The following ERO1B variants were observed in gnomAD, a reference collection of about 807,000 sequenced individuals.
ERO1B encodes the protein endoplasmic reticulum oxidoreductase 1 beta, also known as ERO1-like protein beta.
In ERO1B, 49 loss-of-function variants were observed where a neutral mutation model predicts 75.3. The ratio of observed to expected loss-of-function variants is 0.65; its 90% CI spans 0.52 to 0.83. ERO1B has a LOEUF of 0.83. ERO1B is among the 40% of genes least tolerant of loss of function. The pLI is 0.00. For synonymous variants in ERO1B, 191 were observed against 192.9 expected (o/e 0.99, Z 0.08); for missense variants, 512 against 560.1 (o/e 0.91, Z 0.87).
chr1:236,242,939 C>T (rs1664748211), intron 6 of ERO1B, among the ~76,000 whole-genome samples: 1 of 152,146 alleles, frequency 6.6e-6, no homozygotes, highest in Non-Finnish European at 1.5e-5. Flanking sequence ...GAGTCCTCCC[C>T]AGCATTAGAA....
intron 5 of ERO1B, among the ~76,000 whole-genome samples, chr1:236,249,435 A>G (rs1398651669): frequency 6.6e-6 from 1 of 152,218 alleles, no homozygotes; most frequent in Non-Finnish European, 1.5e-5. Flanking sequence ...GAGGCCATTT[A>G]TATATTGTTT....
intron 12 of ERO1B, 41 bp downstream of exon 12, chr1:236,226,228 A>G: frequency 6.2e-7 from 1 of 1,601,342 alleles, no homozygotes; most frequent in Non-Finnish European, 8.5e-7. Flanking sequence ...TCATTTGAAT[A>G]CAGAGAGGAG....
chr1:236,225,036 T>C (rs777372835), intron 13 of ERO1B, 34 bp downstream of exon 13: 23 of 1,599,618 alleles, frequency 1.4e-5, no homozygotes, highest in African/African-American at 2.7e-5. Context: ...AGCAAACTGC[T>C]CCCAACCCCG....
At chr1:236,236,204 G>C (rs1664539271) in intron 7 of ERO1B, 74 bp downstream of exon 7, 14 of 1,584,780 alleles carry the variant, frequency 8.8e-6, no homozygotes, top group Non-Finnish European at 1.2e-5. Flanking sequence ...TGGGATTACA[G>C]GCGTGAGCCA....
At chr1:236,252,891 ATAAT>A (rs983263089) in intron 3 of ERO1B, among the ~76,000 whole-genome samples, 40 of 152,270 alleles carry the variant, frequency 2.6e-4, no homozygotes, top group African/African-American at 9.1e-4. Flanking sequence ...GAAGAGGAAT[ATAAT>A]TAATTATGTT....
At chr1:236,241,634 T>C (rs1295419155) in intron 6 of ERO1B, among the ~76,000 whole-genome samples, 1 of 152,208 alleles carries the variant, frequency 6.6e-6, no homozygotes, top group East Asian at 1.9e-4. Context: ...GGTAAACCAA[T>C]TAGTAGGTAC....
chr1:236,245,358 G>A (rs1265827637), intron 5 of ERO1B, among the ~76,000 whole-genome samples: 4 of 47,006 alleles, frequency 8.5e-5, no homozygotes, highest in East Asian at 3.2e-3. Flanking sequence ...ATATACACAC[G>A]TATATATATA....
chr1:236,234,150 T>A (rs1303887636), intron 8 of ERO1B, among the ~76,000 whole-genome samples: 1 of 152,044 alleles, frequency 6.6e-6, no homozygotes, highest in African/African-American at 2.4e-5. Flanking sequence ...CTTCATAGAG[T>A]ACTCCTATAA....
At chr1:236,241,388 A>T (rs201009911) in intron 6 of ERO1B, among the ~76,000 whole-genome samples, 2 of 69,874 alleles carry the variant, frequency 2.9e-5, no homozygotes, top group African/African-American at 5.1e-5. Context: ...TACTAAAAAT[A>T]AAAAAAAAAA....
chr1:236,259,973 G>T, intron 2 of ERO1B, among the ~76,000 whole-genome samples: 1 of 152,184 alleles, frequency 6.6e-6, no homozygotes, highest in East Asian at 1.9e-4. Flanking sequence ...GATAGAGCAT[G>T]TTAGGCCACA....
chr1:236,268,157 A>T (rs539606328), intron 2 of ERO1B, among the ~76,000 whole-genome samples: 1 of 152,326 alleles, frequency 6.6e-6, no homozygotes, highest in East Asian at 1.9e-4. Flanking sequence ...GATAAGAGAG[A>T]TGTGTTCCCA....
At chr1:236,244,205 A>G (rs1292160754) in intron 5 of ERO1B, among the ~76,000 whole-genome samples, 2 of 152,200 alleles carry the variant, frequency 1.3e-5, no homozygotes, top group South Asian at 4.1e-4. Flanking sequence ...CTCTTTATTC[A>G]TAACACAAAA....
At chr1:236,218,804 C>T (rs1664061790) in intron 15 of ERO1B, among the ~76,000 whole-genome samples, 2 of 152,156 alleles carry the variant, frequency 1.3e-5, no homozygotes, top group Non-Finnish European at 2.9e-5. Context: ...ATAATGGGAA[C>T]AGTGATATGA....
At chr1:236,235,268 G>T (rs1054119417) in intron 8 of ERO1B, among the ~76,000 whole-genome samples, 5 of 152,126 alleles carry the variant, frequency 3.3e-5, no homozygotes, top group African/African-American at 1.2e-4. Context: ...AGTGTGTTTG[G>T]ACCTCTCCCA....
At chr1:236,245,845 G>C (rs923475190) in intron 5 of ERO1B, among the ~76,000 whole-genome samples, 4 of 151,444 alleles carry the variant, frequency 2.6e-5, no homozygotes, top group Admixed American at 2.0e-4. Context: ...CCCTGCCTCG[G>C]CCTCCCAAAG....
At chr1:236,239,793 A>ATATATATATATGTG (rs1664637290) in intron 6 of ERO1B, among the ~76,000 whole-genome samples, 2 of 139,550 alleles carry the variant, frequency 1.4e-5, no homozygotes, top group Admixed American at 7.5e-5. Flanking sequence ...CTTCAAGTAT[A>ATATATATATATGTG]TATATATATA....
chr1:236,222,060 C>G, intron 13 of ERO1B, 50 bp from the exon 14 acceptor site: 1 of 1,368,170 alleles, frequency 7.3e-7, no homozygotes, highest in Non-Finnish European at 1.0e-6. Context: ...AAAATTGAAC[C>G]GCATTTGGCT....
Position 236,260,134 on chromosome 1 carries a change from G to T in ERO1B, c.223-6629C>A, listed in dbSNP as rs535557527. ...ACAAACCTTTAGCTAGATTAACAAA[G>T]AAAAAGAGAAGATGCCAACAAAATC... is the stretch of plus-strand genomic sequence containing the variant. On this transcript the variant is annotated intron_variant, in intron 2 of 15. Coordinates refer to ENST00000354619, the MANE Select transcript of ERO1B (RefSeq NM_019891.4). Among the ~76,000 whole-genome samples the T allele has an allele frequency of 2.6e-5, 4 of 151,770 alleles. No homozygotes were observed. The East Asian group carries it at 7.7e-4, about 29-fold the overall frequency.
chr1:236,281,632 G>A (rs1334437778), intron 1 of ERO1B, 50 bp downstream of exon 1: 1 of 1,268,568 alleles, frequency 7.9e-7, no homozygotes, highest in Non-Finnish European at 1.0e-6. Context: ...GTGTGTAGCG[G>A]CCGCGGGTGT....
Sources: allele counts gnomAD v4.1 joint callset (sites outside exome capture counted in the v4.1 genomes callset), GRCh38; gene constraint gnomAD v4.1.1; transcripts MANE v1.5; gene names NCBI Gene and HGNC (gene_info 2026-07-23, HGNC 2026-07-21).